DACH1: variants seen among roughly 807,000 people sequenced by gnomAD.
The protein encoded by DACH1 is dachshund homolog 1.
A neutral mutation model predicts 54.2 loss-of-function variants in DACH1; 12 were observed. That is an observed-to-expected ratio of 0.22 (90% CI 0.14 to 0.36). The LOEUF (loss-of-function observed/expected upper bound fraction) is 0.36, where lower values mean the gene tolerates loss of function less well. Ranked by LOEUF, DACH1 falls within the 10% of genes least tolerant of loss-of-function variation. DACH1 has a pLI of 1.00. For missense variants in DACH1, 805 were observed against 929.8 expected (o/e 0.87, Z 1.75); for synonymous variants, 386 against 366.2 (o/e 1.05, Z -0.62).
intron 9 of DACH1, 67 bp from the exon 10 acceptor site, chr13:71,475,276 G>T: frequency 7.8e-7 from 1 of 1,276,672 alleles, no homozygotes; most frequent in Non-Finnish European, 1.1e-6. Context: ...TAAAAAAAAA[G>T]AGCAACCTGT....
At chr13:71,680,980 C>T (rs1880862690) in intron 2 of DACH1, among the ~76,000 whole-genome samples, 1 of 151,780 alleles carries the variant, frequency 6.6e-6, no homozygotes, top group Admixed American at 6.6e-5. Context: ...TAATACATGA[C>T]ATTTATATGT....
At chr13:71,657,898 G>A (rs139298658) in intron 2 of DACH1, among the ~76,000 whole-genome samples, 191 of 151,992 alleles carry the variant, frequency 1.3e-3, no homozygotes, top group African/African-American at 3.6e-3. Flanking sequence ...GTGAGCCACC[G>A]TGTCCCTGAA....
At chr13:71,491,697 T>G (rs920609593) in intron 6 of DACH1, among the ~76,000 whole-genome samples, 25 of 152,148 alleles carry the variant, frequency 1.6e-4, no homozygotes, top group African/African-American at 6.0e-4. Context: ...AACAAGAATA[T>G]TCCTTTGGGT....
At chr13:71,489,646 A>G (rs1878821945) in intron 6 of DACH1, among the ~76,000 whole-genome samples, 1 of 152,150 alleles carries the variant, frequency 6.6e-6, no homozygotes, top group African/African-American at 2.4e-5. Flanking sequence ...TAAAGTTAAA[A>G]TCTTTCACTT....
intron 1 of DACH1, among the ~76,000 whole-genome samples, chr13:71,788,100 A>T (rs1419291447): frequency 6.6e-6 from 1 of 152,160 alleles, no homozygotes; most frequent in Non-Finnish European, 1.5e-5. Context: ...GGGTTTTTGT[A>T]GTAACTGCTG....
intron 1 of DACH1, among the ~76,000 whole-genome samples, chr13:71,714,667 C>T (rs758369857): frequency 2.0e-5 from 3 of 151,854 alleles, no homozygotes; most frequent in Non-Finnish European, 4.4e-5. Flanking sequence ...ATTTTTATCC[C>T]GTTCTTGAGC....
At chr13:71,813,958 A>C (rs2138158643) in intron 1 of DACH1, among the ~76,000 whole-genome samples, 1 of 152,326 alleles carries the variant, frequency 6.6e-6, no homozygotes, top group Non-Finnish European at 1.5e-5. Context: ...CCTCAAGCCA[A>C]GGAGTGTCTC....
In DACH1 at chr13:71,598,463, C is replaced by T. The variant is rs1291753296; in HGVS notation, c.1127-25451G>A. 7.9e-5 allele frequency among the ~76,000 whole-genome samples: 12 copies of T among 152,064 alleles called. 1 individual carries two copies. The highest frequency in any genetic ancestry group is 7.4e-5 in the Non-Finnish European group (5 of 68,000). On this transcript the variant is annotated intron_variant, in intron 3 of 10. Coordinates refer to ENST00000613252, the MANE Select transcript of DACH1 (RefSeq NM_080759.6). ...AGAGACGGGGTTTCACCATGTTGGT[C>T]AGGCTGGTCTCGAACTCCTGACCCC...
chr13:71,627,160 A>T (rs1566388927), intron 3 of DACH1, among the ~76,000 whole-genome samples: 1 of 151,920 alleles, frequency 6.6e-6, no homozygotes, highest in Non-Finnish European at 1.5e-5. Context: ...GCTTTCTTTA[A>T]ACATCTTTTT....
intron 3 of DACH1, among the ~76,000 whole-genome samples, chr13:71,603,638 A>G (rs1476458702): frequency 1.3e-5 from 2 of 152,012 alleles, no homozygotes; most frequent in Admixed American, 1.3e-4. Flanking sequence ...ACGATAAAAT[A>G]GTGTCTAGTT....
chr13:71,822,711 G>T (rs192479653), intron 1 of DACH1, among the ~76,000 whole-genome samples: 5 of 152,248 alleles, frequency 3.3e-5, no homozygotes, highest in Admixed American at 6.5e-5. Flanking sequence ...TTAAGGGGAA[G>T]GTTAAAACGT....
At chr13:71,606,706 T>C (rs1185575321) in intron 3 of DACH1, among the ~76,000 whole-genome samples, 1 of 152,060 alleles carries the variant, frequency 6.6e-6, no homozygotes, top group Non-Finnish European at 1.5e-5. Flanking sequence ...TGGGAAGTTT[T>C]AATATGAACA....
rs117762798 is a variant in DACH1, at chr13:71,663,273, T to C, written c.964+18522A>G. 9.8e-3 allele frequency among the ~76,000 whole-genome samples: 1,488 copies of C among 151,754 alleles called. 13 individuals carry two copies. Among genetic ancestry groups the C allele is most frequent in the Non-Finnish European group, 0.014 (972 of 67,814 alleles). On this transcript the variant is annotated intron_variant, in intron 2 of 10. Transcript: ENST00000613252. The stretch of plus-strand genomic sequence containing the variant: ...ATAATTCAATAACATCAATCAGTTA[T>C]CTTTGTTACTTTGATTCTTTCATCA...
At chr13:71,474,122 T>G (rs920963829) in intron 10 of DACH1, among the ~76,000 whole-genome samples, 1 of 148,822 alleles carries the variant, frequency 6.7e-6, no homozygotes, top group Admixed American at 6.9e-5. Context: ...TACAAATTAA[T>G]TAGAATGGCC....
rs73215256 is a variant in DACH1, at chr13:71,790,286, A to T, written c.848+75636T>A. Reference sequence around the variant, plus strand: ...CCTATATATACCTTTTAGTGATTTCACAGCATGGATTTGCTTAATGCATGA... The same window carrying T: ...CCTATATATACCTTTTAGTGATTTCTCAGCATGGATTTGCTTAATGCATGA... On this transcript the variant is annotated intron_variant, in intron 1 of 10. Coordinates refer to ENST00000613252, the MANE Select transcript of DACH1 (RefSeq NM_080759.6). 4.6e-3 allele frequency among the ~76,000 whole-genome samples: 703 copies of T among 152,260 alleles called. 5 individuals are homozygous for T. The highest frequency in any genetic ancestry group is 5.3e-3 in the Non-Finnish European group (359 of 68,000).
intron 2 of DACH1, among the ~76,000 whole-genome samples, chr13:71,641,070 A>C (rs189284800): frequency 1.9e-4 from 29 of 152,146 alleles, no homozygotes; most frequent in Admixed American, 1.8e-3. Flanking sequence ...ACAAAAAAAA[A>C]CAAAAGAGGT....
chr13:71,845,339 A>G (rs1873162145), intron 1 of DACH1, among the ~76,000 whole-genome samples: 1 of 152,216 alleles, frequency 6.6e-6, no homozygotes, highest in African/African-American at 2.4e-5. Context: ...GTGTGCCAAT[A>G]TGAAAAACAA....
chr13:71,461,820 T>C (rs1028291194), intron 10 of DACH1, among the ~76,000 whole-genome samples: 11 of 151,974 alleles, frequency 7.2e-5, no homozygotes, highest in Non-Finnish European at 4.4e-5. Flanking sequence ...TATTAACCAG[T>C]ATAAACCACT....
At chr13:71,443,856 C>T (rs1160599355) in intron 10 of DACH1, among the ~76,000 whole-genome samples, 1 of 152,050 alleles carries the variant, frequency 6.6e-6, no homozygotes, top group Non-Finnish European at 1.5e-5. Flanking sequence ...AGTATCAAGG[C>T]CATATAATTT....
Sources: allele counts gnomAD v4.1 joint callset (sites outside exome capture counted in the v4.1 genomes callset), GRCh38; gene constraint gnomAD v4.1.1; transcripts MANE v1.5; gene names NCBI Gene and HGNC (gene_info 2026-07-23, HGNC 2026-07-21).